Variants in CNTN6 observed in about 807,000 individuals in gnomAD.
CNTN6 encodes the protein contactin-6.
Under a neutral mutation model 122.8 loss-of-function variants are expected in CNTN6, and 137 were observed. The observed-to-expected ratio is 1.12, with a 90% CI of 0.97 to 1.29. CNTN6 has a LOEUF of 1.29. CNTN6 is among the 50% of genes most tolerant of loss of function. The pLI is 0.00. For synonymous variants in CNTN6, 570 were observed against 426.0 expected (o/e 1.34, Z -4.16); for missense variants, 1,634 against 1,223.4 (o/e 1.34, Z -5.01).
intron 2 of CNTN6, among the ~76,000 whole-genome samples, chr3:1,216,209 A>G (rs1395155685): frequency 6.6e-6 from 1 of 152,158 alleles, no homozygotes; most frequent in African/African-American, 2.4e-5. Context: ...AGGTAAAAGA[A>G]AAAGATAAGA....
rs184132532 is a variant in CNTN6 at position 1,195,778 on chromosome 3, T to C, written c.56-24909T>C. 2.2e-4 allele frequency among the ~76,000 whole-genome samples: 34 copies of C among 152,352 alleles called. 1 individual carries two copies. Among genetic ancestry groups the C allele is most frequent in the Non-Finnish European group, 3.2e-4 (22 of 68,026 alleles). On this transcript the variant is annotated intron_variant, in intron 2 of 22. Coordinates refer to ENST00000446702, the MANE Select transcript of CNTN6 (RefSeq NM_001289080.2). ...CAGGTGGTTGACCTCATTCATTATGTATTGAATCTTACTATTCTCACCTTT... is the reference window on the plus strand; with the variant it reads ...CAGGTGGTTGACCTCATTCATTATGCATTGAATCTTACTATTCTCACCTTT...
At chr3:1,293,083 T>A (rs262806) in intron 5 of CNTN6, among the ~76,000 whole-genome samples, 2 of 152,116 alleles carry the variant, frequency 1.3e-5, no homozygotes, top group South Asian at 4.2e-4. Flanking sequence ...ATCTTTACTT[T>A]ATTTCTTCTC....
chr3:1,306,630 G>A (rs891358444), intron 7 of CNTN6, among the ~76,000 whole-genome samples: 1 of 145,298 alleles, frequency 6.9e-6, no homozygotes, highest in Non-Finnish European at 1.5e-5. Flanking sequence ...ATCTGTATAA[G>A]GAAGGCAAAA....
chr3:1,187,649 A>C (rs1041998174), intron 2 of CNTN6, among the ~76,000 whole-genome samples: 2 of 152,176 alleles, frequency 1.3e-5, no homozygotes, highest in Non-Finnish European at 2.9e-5. Flanking sequence ...GCCCCTACCC[A>C]AAATTTGCTA....
At chr3:1,179,911 C>T (rs2093522148) in intron 2 of CNTN6, among the ~76,000 whole-genome samples, 1 of 152,154 alleles carries the variant, frequency 6.6e-6, no homozygotes, top group Non-Finnish European at 1.5e-5. Flanking sequence ...CACATTCCTT[C>T]TTTACTAATT....
intron 1 of CNTN6, among the ~76,000 whole-genome samples, chr3:1,121,476 A>C (rs2091947741): frequency 6.6e-6 from 1 of 151,876 alleles, no homozygotes; most frequent in Non-Finnish European, 1.5e-5. Flanking sequence ...TGATTTCATC[A>C]CATTAAAACA....
At chr3:1,245,221 T>TACACACACACATATATATATAAC (rs1304018351) in intron 4 of CNTN6, among the ~76,000 whole-genome samples, 2 of 18,770 alleles carry the variant, frequency 1.1e-4, no homozygotes, top group Non-Finnish European at 9.0e-5. Context: ...TATATATATA[T>TACACACACACATATATATATAAC]ATATATATAT....
chr3:1,229,166 G>T (rs551050325), intron 4 of CNTN6, among the ~76,000 whole-genome samples: 2 of 152,308 alleles, frequency 1.3e-5, no homozygotes, highest in East Asian at 3.9e-4. Context: ...AGGTGGGAAA[G>T]GGCCAGTGGC....
At chr3:1,334,389 T>C (rs1021283625) in intron 11 of CNTN6, among the ~76,000 whole-genome samples, 1 of 151,630 alleles carries the variant, frequency 6.6e-6, no homozygotes, top group African/African-American at 2.4e-5. Context: ...TTTTTTTTTT[T>C]TTTGAGGCCA....
At chr3:1,388,214 T>C (rs1387800988) in intron 20 of CNTN6, among the ~76,000 whole-genome samples, 1 of 149,948 alleles carries the variant, frequency 6.7e-6, no homozygotes, top group African/African-American at 2.5e-5. Context: ...GCTGGAGATC[T>C]GAGAACTGGC....
intron 1 of CNTN6, among the ~76,000 whole-genome samples, chr3:1,111,932 T>A (rs560565441): frequency 6.6e-6 from 1 of 152,260 alleles, no homozygotes; most frequent in South Asian, 2.1e-4. Context: ...ACATATTATA[T>A]TTTTAAAGCA....
chr3:1,361,871 G>A (rs1707516345), intron 12 of CNTN6, among the ~76,000 whole-genome samples: 1 of 152,106 alleles, frequency 6.6e-6, no homozygotes, highest in Admixed American at 6.6e-5. Flanking sequence ...CACATTCCCT[G>A]CTGTTTTTCT....
intron 4 of CNTN6, among the ~76,000 whole-genome samples, chr3:1,245,802 G>A (rs545377790): frequency 6.6e-6 from 1 of 152,154 alleles, no homozygotes; most frequent in East Asian, 1.9e-4. Context: ...CCATTGAAAT[G>A]TTAATTATGT....
At chr3:1,155,499 A>G (rs1394298745) in intron 2 of CNTN6, among the ~76,000 whole-genome samples, 1 of 152,076 alleles carries the variant, frequency 6.6e-6, no homozygotes, top group Non-Finnish European at 1.5e-5. Flanking sequence ...TTAATTTTTA[A>G]AAACTATGCT....
Position 1,148,749 on chromosome 3 carries a change from C to T in CNTN6, c.55+686C>T, listed in dbSNP as rs544353406. Among the ~76,000 whole-genome samples, 236 of 152,248 alleles carry T rather than the reference C, an allele frequency of 1.6e-3. 2 individuals carry two copies. Among genetic ancestry groups the T allele is most frequent in the Non-Finnish European group, 2.6e-3 (180 of 68,020 alleles). ...GACAAATCTGTGGGTTAACAACTTA[C>T]GATGGGCTCAAATGGGTCTTCTTTT... On this transcript the variant is annotated intron_variant, in intron 2 of 22. Coordinates refer to ENST00000446702, the MANE Select transcript of CNTN6 (RefSeq NM_001289080.2).
At chr3:1,316,258 G>A (rs907753682) in intron 7 of CNTN6, among the ~76,000 whole-genome samples, 2 of 151,894 alleles carry the variant, frequency 1.3e-5, no homozygotes. Context: ...AATTTATAAA[G>A]AAAAGAGGTT....
chr3:1,327,307 T>G, intron 9 of CNTN6, 150 bp from the exon 10 acceptor site: 1 of 840,710 alleles, frequency 1.2e-6, no homozygotes, highest in South Asian at 2.1e-5. Context: ...TTTTTTAAAC[T>G]TAAAAATGCT....
chr3:1,263,169 G>A (rs2094874623), intron 4 of CNTN6, among the ~76,000 whole-genome samples: 1 of 151,778 alleles, frequency 6.6e-6, no homozygotes. Context: ...ATTAGACACT[G>A]AGCATATTCA....
intron 2 of CNTN6, among the ~76,000 whole-genome samples, chr3:1,197,830 TA>T (rs1235587023): frequency 3.9e-5 from 6 of 152,360 alleles, no homozygotes; most frequent in African/African-American, 1.2e-4. Context: ...TTTTATAAAC[TA>T]TCTCAAAGTC....
Sources: gnomAD v4.1 joint callset for allele counts (sites outside exome capture counted in the v4.1 genomes callset) on GRCh38, gnomAD v4.1.1 for gene constraint, MANE v1.5 for transcripts, NCBI Gene and HGNC (gene_info 2026-07-23, HGNC 2026-07-21) for gene names.